Variants in LIN52 observed in about 807,000 individuals in gnomAD.
The protein encoded by LIN52 is protein lin-52 homolog.
A neutral mutation model predicts 18.5 loss-of-function variants in LIN52; 4 were observed. The ratio of observed to expected loss-of-function variants is 0.22; its 90% confidence interval spans 0.11 to 0.49. LIN52 has a LOEUF of 0.49. LIN52 is among the 20% of genes least tolerant of loss of function. LIN52 has a pLI of 0.97. For synonymous variants in LIN52, 34 were observed against 45.5 expected (o/e 0.75, Z 1.02); for missense variants, 102 against 139.5 (o/e 0.73, Z 1.35).
chr14:74,159,815 G>A (rs1452165843), intron 5 of LIN52, among the ~76,000 whole-genome samples: 3 of 152,052 alleles, frequency 2.0e-5, no homozygotes, highest in Non-Finnish European at 4.4e-5. Context: ...CAAGTGATCC[G>A]CCTGCCTTGG....
chr14:74,165,513 C>CTATTTTTTTTTTT (rs2061244796), intron 5 of LIN52, among the ~76,000 whole-genome samples: 1 of 110,262 alleles, frequency 9.1e-6, no homozygotes, highest in East Asian at 3.3e-4. Flanking sequence ...GTTTTCTTTT[C>CTATTTTTTTTTTT]TTTTTTTTTT....
At chr14:74,107,910 T>A (rs1314279864) in intron 5 of LIN52, among the ~76,000 whole-genome samples, 1 of 152,204 alleles carries the variant, frequency 6.6e-6, no homozygotes, top group Non-Finnish European at 1.5e-5. Flanking sequence ...TCCCCATTTA[T>A]AGTGTGCAAT....
intron 1 of LIN52, among the ~76,000 whole-genome samples, chr14:74,088,024 C>T (rs59860442): frequency 0.016 from 2,408 of 152,170 alleles, 62 homozygotes; most frequent in African/African-American, 0.055. Context: ...GCGATTCTCC[C>T]ATCTCAGCCT....
chr14:74,106,887 G>A (rs8008252), intron 5 of LIN52, among the ~76,000 whole-genome samples: 2,257 of 152,278 alleles, frequency 0.015, 50 homozygotes, highest in African/African-American at 0.052. Context: ...CACCACGCCC[G>A]GCCCCGGCCT....
chr14:74,107,812 C>G (rs2060906020), intron 5 of LIN52, among the ~76,000 whole-genome samples: 1 of 152,108 alleles, frequency 6.6e-6, no homozygotes. Context: ...GAAACTACGG[C>G]TAAACCTTGG....
chr14:74,098,779 C>G (rs2060833114), intron 4 of LIN52, among the ~76,000 whole-genome samples: 1 of 152,096 alleles, frequency 6.6e-6, no homozygotes, highest in African/African-American at 2.4e-5. Flanking sequence ...AACTCCTGAC[C>G]TCCAGTGATC....
At chr14:74,122,721 C>A (rs898031731) in intron 5 of LIN52, among the ~76,000 whole-genome samples, 1 of 152,028 alleles carries the variant, frequency 6.6e-6, no homozygotes, top group Non-Finnish European at 1.5e-5. Context: ...TAAAAATTAG[C>A]TGGGTATGGT....
chr14:74,168,114 A>G (rs2061257344), intron 5 of LIN52, among the ~76,000 whole-genome samples: 1 of 152,248 alleles, frequency 6.6e-6, no homozygotes. Flanking sequence ...ATAGAATGTT[A>G]TGAGATACTG....
At chr14:74,142,106 A>AT (rs2061133966) in intron 5 of LIN52, among the ~76,000 whole-genome samples, 2 of 152,152 alleles carry the variant, frequency 1.3e-5, no homozygotes, top group African/African-American at 4.8e-5. Context: ...CAGAAACTTA[A>AT]TTTTAGTTGC....
intron 1 of LIN52, among the ~76,000 whole-genome samples, chr14:74,089,894 G>A (rs1420891848): frequency 3.3e-5 from 5 of 152,180 alleles, no homozygotes; most frequent in Non-Finnish European, 7.3e-5. Context: ...ATGGGAGAGG[G>A]AGCACGCAGA....
At chr14:74,134,771 T>C (rs1476428823) in intron 5 of LIN52, among the ~76,000 whole-genome samples, 1 of 152,226 alleles carries the variant, frequency 6.6e-6, no homozygotes, top group Non-Finnish European at 1.5e-5. Flanking sequence ...TTATTGGCTC[T>C]TTCTCATCTG....
intron 5 of LIN52, among the ~76,000 whole-genome samples, chr14:74,175,764 G>T (rs2061291616): frequency 7.4e-6 from 1 of 134,248 alleles, no homozygotes; most frequent in Non-Finnish European, 1.6e-5. Context: ...CCATTATACA[G>T]CTATACCAAA....
intron 5 of LIN52, among the ~76,000 whole-genome samples, chr14:74,181,107 C>CAAAAAAAAAAA (rs149099646): frequency 4.2e-5 from 4 of 96,124 alleles, no homozygotes; most frequent in African/African-American, 1.6e-4. Context: ...GACTCTGTCT[C>CAAAAAAAAAAA]AAAAAAAAAA....
At chr14:74,170,509 A>C (rs2061265612) in intron 5 of LIN52, among the ~76,000 whole-genome samples, 1 of 151,536 alleles carries the variant, frequency 6.6e-6, no homozygotes, top group Non-Finnish European at 1.5e-5. Context: ...CCAACCTCAA[A>C]AAAAAAAATG....
At position 74,199,045 on chromosome 14, in the gene LIN52, T is replaced by C; in HGVS notation, c.*68T>C. 1 of 1,090,738 alleles carries C rather than the reference T, an allele frequency of 9.2e-7. No individual in the cohort carries two copies. The highest frequency in any genetic ancestry group is 1.7e-5 in the Admixed American group (1 of 58,904). The allele number at this position is 1,090,738 out of a possible 1,614,324, so 67.6% of individuals were successfully genotyped here. A position where few individuals can be genotyped will look rare whatever the true frequency, so the allele number is the denominator to read the frequency against. On this transcript the variant is annotated 3_prime_UTR_variant, in exon 6 of 6. Coordinates refer to ENST00000555028, the MANE Select transcript of LIN52 (RefSeq NM_001024674.3). ...TCCCTTCCCGGTGCACCTCTAACAATGCACACCTCACTGCTTGCTTGGGAG... is the reference window on the plus strand; with the variant it reads ...TCCCTTCCCGGTGCACCTCTAACAACGCACACCTCACTGCTTGCTTGGGAG...
At chr14:74,177,170 G>A (rs911285759) in intron 5 of LIN52, among the ~76,000 whole-genome samples, 7 of 151,912 alleles carry the variant, frequency 4.6e-5, no homozygotes, top group Admixed American at 6.6e-5. Flanking sequence ...GGCTAATTTT[G>A]TATCTTTAGT....
chr14:74,181,794 A>C (rs2061319881), intron 5 of LIN52, among the ~76,000 whole-genome samples: 1 of 152,214 alleles, frequency 6.6e-6, no homozygotes, highest in South Asian at 2.1e-4. Flanking sequence ...AAAGTTTACT[A>C]GCGGTTATTT....
Position 74,198,907 on chromosome 14 carries a change from G to T in LIN52, c.284-15G>T, listed in dbSNP as rs1408576169. 6.3e-7 allele frequency: 1 copy of T among 1,597,758 alleles called. No individual in the cohort carries two copies. Among genetic ancestry groups the T allele is most frequent in the African/African-American group, 1.3e-5 (1 of 74,422 alleles). ...TTAGGTTTTCATTGATCATTTGTTT[G>T]CTTTGTGATTCCAGCCAGAGAGATG... is the stretch of plus-strand genomic sequence containing the variant. On this transcript the variant is annotated splice_polypyrimidine_tract_variant and intron_variant, in intron 5 of 5. Coordinates refer to ENST00000555028, the MANE Select transcript of LIN52 (RefSeq NM_001024674.3).
In LIN52 at chr14:74,143,094, C is replaced by A. The variant is rs561177078; in HGVS notation, c.283+41856C>A. ...ACAAATCAGTTCCCTGAAGCTAGGA[C>A]AAGCGGGATGTGCATTTGAAATAGG... On this transcript the variant is annotated intron_variant, in intron 5 of 5. Transcript: ENST00000555028. Among the ~76,000 whole-genome samples the A allele has an allele frequency of 7.9e-5, 12 of 151,948 alleles. No individual in the cohort carries two copies. The South Asian group carries it at 2.3e-3, about 29-fold the overall frequency.
Sources: allele counts gnomAD v4.1 joint callset (sites outside exome capture counted in the v4.1 genomes callset), GRCh38; gene constraint gnomAD v4.1.1; transcripts MANE v1.5; gene names NCBI Gene and HGNC (gene_info 2026-07-23, HGNC 2026-07-21).